Variants in EIF3J observed in about 807,000 individuals in gnomAD.
The protein encoded by EIF3J is eukaryotic translation initiation factor 3, subunit 1 (alpha, 35kD).
Under a neutral mutation model 39.0 loss-of-function variants are expected in EIF3J, and 15 were observed. The ratio of observed to expected loss-of-function variants is 0.38; its 90% CI spans 0.26 to 0.59. The LOEUF (loss-of-function observed/expected upper bound fraction) is 0.59. EIF3J is among the 20% of genes least tolerant of loss of function. The pLI is 0.60. For missense variants in EIF3J, 226 were observed against 308.6 expected, an observed-to-expected ratio of 0.73 and a Z score of 2.00; for synonymous variants, 98 against 112.9, an observed-to-expected ratio of 0.87 and a Z score of 0.84.
chr15:44,542,951 CT>C (rs1200745657), intron 2 of EIF3J, among the ~76,000 whole-genome samples: 3 of 152,128 alleles, frequency 2.0e-5, no homozygotes, highest in African/African-American at 7.2e-5. Context: ...ATTTAGGGCT[CT>C]TTGAAGTGAG....
intron 2 of EIF3J, among the ~76,000 whole-genome samples, chr15:44,540,608 T>C (rs557829768): frequency 2.6e-5 from 4 of 152,248 alleles, no homozygotes; most frequent in African/African-American, 9.6e-5. Context: ...GACTGGCTAA[T>C]TTTTGTGTTT....
intron 2 of EIF3J, among the ~76,000 whole-genome samples, chr15:44,541,798 C>A (rs1411036749): frequency 1.3e-5 from 2 of 152,182 alleles, no homozygotes; most frequent in Non-Finnish European, 2.9e-5. Context: ...TAGAGAGAAA[C>A]ATTTAATAAA....
intron 2 of EIF3J, among the ~76,000 whole-genome samples, chr15:44,537,674 G>A (rs1377998266): frequency 1.3e-5 from 2 of 152,258 alleles, no homozygotes; most frequent in Admixed American, 1.3e-4. Flanking sequence ...GCCGGCTGGC[G>A]ACGAAAGGTG....
intron 5 of EIF3J, among the ~76,000 whole-genome samples, chr15:44,556,286 C>A (rs2082143681): frequency 6.6e-6 from 1 of 152,188 alleles, no homozygotes; most frequent in Non-Finnish European, 1.5e-5. Flanking sequence ...TCTCTCCCCA[C>A]TTTACTGTGG....
At chr15:44,544,098 C>CTTTTTTTTTTTT (rs10630378) in intron 2 of EIF3J, among the ~76,000 whole-genome samples, 3 of 134,072 alleles carry the variant, frequency 2.2e-5, no homozygotes, top group Admixed American at 7.8e-5. Flanking sequence ...CTTTTCTTTT[C>CTTTTTTTTTTTT]TTTTTTTTTT....
Position 44,561,316 on chromosome 15 carries a change from G to A in EIF3J, c.*167G>A. ...CTTAGGTGCTAATGTGCAAATGAGG[G>A]AACTTGGATCTTGCTGCCAAGGGGT... On this transcript the variant is annotated 3_prime_UTR_variant, in exon 8 of 8. Coordinates refer to ENST00000261868, the MANE Select transcript of EIF3J (RefSeq NM_003758.4). The A allele has an allele frequency of 1.4e-6, 1 of 720,794 alleles. No individual in the cohort carries two copies. Among genetic ancestry groups the A allele is most frequent in the South Asian group, 3.5e-5 (1 of 28,294 alleles). 44.6% of individuals were successfully genotyped at this position (720,794 alleles called of 1,614,324 possible).
intron 2 of EIF3J, among the ~76,000 whole-genome samples, chr15:44,540,909 T>C (rs2140889793): frequency 6.6e-6 from 1 of 152,336 alleles, no homozygotes; most frequent in East Asian, 1.9e-4. Context: ...GGAAAACTGA[T>C]GTTTTTGTTA....
rs2082198754 is a variant in EIF3J at position 44,561,722 on chromosome 15, C to CCAA, written c.*575_*577dup. ...ATAAAATTAAAATGACCAAAACCCT[C>CCAA]CAACTTTGAAGCTAAAGAAGGTAAA... is the stretch of plus-strand genomic sequence containing the variant. On this transcript the variant is annotated 3_prime_UTR_variant, in exon 8 of 8. Transcript: ENST00000261868. The CCAA allele has an allele frequency of 6.6e-6, 1 of 152,488 alleles. No individual in the cohort carries two copies. The highest frequency in any genetic ancestry group is 1.5e-5 in the Non-Finnish European group (1 of 68,046). 9.4% of individuals were successfully genotyped at this position (152,488 alleles called of 1,614,324 possible).
At chr15:44,549,427 A>C (rs1289458703) in intron 2 of EIF3J, among the ~76,000 whole-genome samples, 2 of 151,996 alleles carry the variant, frequency 1.3e-5, no homozygotes, top group African/African-American at 4.8e-5. Flanking sequence ...CAACAAAAAA[A>C]CAAGAAAAGA....
chr15:44,560,882 T>A, intron 7 of EIF3J, 136 bp from the exon 8 acceptor site: 17 of 1,224,618 alleles, frequency 1.4e-5, no homozygotes, highest in Non-Finnish European at 1.8e-5. Context: ...CCAAAACATG[T>A]AGGCTCGGAT....
chr15:44,560,902 A>G, intron 7 of EIF3J, 116 bp from the exon 8 acceptor site: 4 of 1,388,028 alleles, frequency 2.9e-6, no homozygotes, highest in Admixed American at 2.3e-5. Flanking sequence ...TGTCCCTTAC[A>G]GAACTAGTGT....
At chr15:44,551,704 A>G (rs2082100168) in intron 4 of EIF3J, among the ~76,000 whole-genome samples, 182 bp downstream of exon 4, 1 of 152,238 alleles carries the variant, frequency 6.6e-6, no homozygotes, top group African/African-American at 2.4e-5. Flanking sequence ...CCAGTTTTAT[A>G]TATGAGTGTC....
Position 44,537,349 on chromosome 15 carries a change from C to G in EIF3J, c.69C>G (p.Asp23Glu). ...SWDADAFSVEDPVRKVGGGGT... is the reference protein window; with the variant it reads ...SWDADAFSVEEPVRKVGGGGT... ...ACGCCGACGCTTTCTCCGTGGAAGA[C>G]CCAGTGCGGAAGGTGGGGGGCGGCG... Residue 23 changes from aspartate to glutamate, a missense_variant, in exon 2 of 8, where the codon GAC becomes GAG. Asp to Glu is a conservative substitution (Grantham distance 45, BLOSUM62 2). Transcript: ENST00000261868. 7 of 1,566,762 alleles carry G rather than the reference C, an allele frequency of 4.5e-6. No individual in the cohort carries two copies. Among genetic ancestry groups the G allele is most frequent in the Non-Finnish European group, 6.1e-6 (7 of 1,155,608 alleles).
chr15:44,554,152 G>C (rs935873995), intron 4 of EIF3J, among the ~76,000 whole-genome samples: 2 of 151,998 alleles, frequency 1.3e-5, no homozygotes, highest in African/African-American at 4.8e-5. Context: ...TGAGATGGGC[G>C]GATCACTTGA....
At position 44,537,447 on chromosome 15, in the gene EIF3J, C is replaced by A; in HGVS notation, c.147+20C>A. 6.6e-7 allele frequency: 1 copy of A among 1,514,772 alleles called. No homozygotes were observed. The highest frequency in any genetic ancestry group is 2.2e-5 in the Admixed American group (1 of 45,852). The allele number at this position is 1,514,772 out of a possible 1,614,324, so 93.8% of individuals were successfully genotyped here. ...GTCAAGGTGGGTGCGGGCTAGGGCG[C>A]CGGGCAGCGCGGAAGCGGGCTGGCG... On this transcript the variant is annotated intron_variant, in intron 2 of 7. Transcript: ENST00000261868.
At chr15:44,544,286 CAG>C (rs552839015) in intron 2 of EIF3J, among the ~76,000 whole-genome samples, 89 of 151,480 alleles carry the variant, frequency 5.9e-4, no homozygotes, top group African/African-American at 1.9e-3. Context: ...TTAGTAGAAA[CAG>C]GGGTTTGCCA....
intron 2 of EIF3J, among the ~76,000 whole-genome samples, chr15:44,539,184 G>A (rs531628962): frequency 5.3e-5 from 8 of 151,546 alleles, no homozygotes; most frequent in East Asian, 1.9e-4. Context: ...GCACCACCAC[G>A]CCTGGCTAAT....
chr15:44,557,041 T>C (rs1680609836), intron 5 of EIF3J, among the ~76,000 whole-genome samples: 1 of 152,220 alleles, frequency 6.6e-6, no homozygotes, highest in African/African-American at 2.4e-5. Flanking sequence ...GTCAAAATAC[T>C]AAAATGACAA....
In EIF3J at chr15:44,545,815, A is replaced by G. The variant is rs1595800430; in HGVS notation, c.148-5061A>G. Among the ~76,000 whole-genome samples the G allele has an allele frequency of 3.3e-5, 5 of 152,332 alleles. No homozygotes were observed. In the South Asian group the frequency reaches 8.3e-4, roughly 25 times the overall value. On this transcript the variant is annotated intron_variant, in intron 2 of 7. Coordinates refer to ENST00000261868, the MANE Select transcript of EIF3J (RefSeq NM_003758.4). Reference sequence around the variant, plus strand: ...TTCTTCTAACTGTAACTTTATACCTATGACACTTTAAAGAACTTTGGTCCA... The same window carrying G: ...TTCTTCTAACTGTAACTTTATACCTGTGACACTTTAAAGAACTTTGGTCCA...
Sources: allele counts gnomAD v4.1 joint callset (sites outside exome capture counted in the v4.1 genomes callset), GRCh38; gene constraint gnomAD v4.1.1; transcripts MANE v1.5; gene names NCBI Gene and HGNC (gene_info 2026-07-23, HGNC 2026-07-21).